DIAPH3: variants seen among roughly 807,000 people sequenced by gnomAD.
The protein encoded by DIAPH3 is diaphanous related formin 3, also known as protein diaphanous homolog 3.
In DIAPH3, 117 loss-of-function variants were observed where a neutral mutation model predicts 144.3. That is an observed-to-expected ratio of 0.81 (90% confidence interval 0.70 to 0.95). The LOEUF is 0.95. DIAPH3 is among the 40% of genes least tolerant of loss of function. DIAPH3 has a pLI of 0.00. For synonymous variants in DIAPH3, 519 were observed against 488.9 expected, an observed-to-expected ratio of 1.06 and a Z score of -0.81; for missense variants, 1,421 against 1,412.7, an observed-to-expected ratio of 1.01 and a Z score of -0.09.
chr13:59,771,209 T>C (rs1233962903), intron 27 of DIAPH3, among the ~76,000 whole-genome samples: 1 of 152,212 alleles, frequency 6.6e-6, no homozygotes, highest in Middle Eastern at 3.4e-3. Flanking sequence ...ACTATAGCTA[T>C]GATTTAAGAA....
intron 25 of DIAPH3, among the ~76,000 whole-genome samples, chr13:59,799,107 G>A (rs2039760585): frequency 6.6e-6 from 1 of 151,916 alleles, no homozygotes. Flanking sequence ...AGCCAAGGAG[G>A]GAACTAAGAG....
chr13:59,903,926 G>A (rs2046593196), intron 20 of DIAPH3, among the ~76,000 whole-genome samples: 1 of 152,158 alleles, frequency 6.6e-6, no homozygotes, highest in African/African-American at 2.4e-5. Flanking sequence ...ACTCTAGCCT[G>A]TCAAAAAGTT....
At chr13:59,952,113 A>T (rs1053606317) in intron 17 of DIAPH3, among the ~76,000 whole-genome samples, 1 of 152,156 alleles carries the variant, frequency 6.6e-6, no homozygotes, top group Non-Finnish European at 1.5e-5. Flanking sequence ...TACAATGCAT[A>T]CTCAAAAATA....
At chr13:59,706,871 T>C (rs566562718) in intron 27 of DIAPH3, among the ~76,000 whole-genome samples, 1 of 152,342 alleles carries the variant, frequency 6.6e-6, no homozygotes, top group East Asian at 1.9e-4. Context: ...ACAATCAAGA[T>C]AGCCAAATTG....
At chr13:60,048,367 T>G (rs1194898980) in intron 4 of DIAPH3, among the ~76,000 whole-genome samples, 1 of 152,192 alleles carries the variant, frequency 6.6e-6, no homozygotes, top group Non-Finnish European at 1.5e-5. Flanking sequence ...TATAACTCAA[T>G]AGTAATAAGA....
At chr13:60,109,157 A>G (rs1303412632) in intron 3 of DIAPH3, among the ~76,000 whole-genome samples, 1 of 152,092 alleles carries the variant, frequency 6.6e-6, no homozygotes, top group African/African-American at 2.4e-5. Context: ...TGGAGAGTAA[A>G]CTGGAAAAAA....
chr13:60,027,637 A>G (rs1341453802), intron 5 of DIAPH3, among the ~76,000 whole-genome samples: 1 of 152,196 alleles, frequency 6.6e-6, no homozygotes, highest in Non-Finnish European at 1.5e-5. Context: ...ATTTTAAAAC[A>G]TAGATACTGG....
At chr13:60,117,878 ACTTT>A in intron 2 of DIAPH3, among the ~76,000 whole-genome samples, 1 of 152,230 alleles carries the variant, frequency 6.6e-6, no homozygotes, top group Admixed American at 6.5e-5. Flanking sequence ...CAATTTGTGC[ACTTT>A]CTATTTCATG....
chr13:59,682,520 T>C (rs763025179), intron 27 of DIAPH3, among the ~76,000 whole-genome samples: 132 of 152,296 alleles, frequency 8.7e-4, no homozygotes, highest in Non-Finnish European at 1.5e-3. Context: ...TTTTAGCATA[T>C]AGTTTTCTCT....
At chr13:59,944,207 C>T (rs559306285) in intron 17 of DIAPH3, among the ~76,000 whole-genome samples, 1 of 149,228 alleles carries the variant, frequency 6.7e-6, no homozygotes, top group Non-Finnish European at 1.5e-5. Flanking sequence ...GAGCATGACA[C>T]TGTCTCAAAA....
chr13:59,974,691 G>A (rs1056738863), intron 14 of DIAPH3, among the ~76,000 whole-genome samples: 2 of 151,986 alleles, frequency 1.3e-5, no homozygotes, highest in Non-Finnish European at 2.9e-5. Flanking sequence ...AGACAAGTCT[G>A]TGACCTTCTC....
intron 20 of DIAPH3, among the ~76,000 whole-genome samples, chr13:59,900,725 G>A (rs1289837487): frequency 6.6e-6 from 1 of 152,104 alleles, no homozygotes; most frequent in African/African-American, 2.4e-5. Flanking sequence ...TATGTGACCT[G>A]TATGCTATTG....
chr13:59,946,653 A>G (rs2048811246), intron 17 of DIAPH3, among the ~76,000 whole-genome samples: 1 of 152,214 alleles, frequency 6.6e-6, no homozygotes. Context: ...GCTGATGAGT[A>G]CTGGCCCATG....
intron 27 of DIAPH3, among the ~76,000 whole-genome samples, chr13:59,690,972 C>A (rs2033486926): frequency 6.6e-6 from 1 of 152,096 alleles, no homozygotes; most frequent in Non-Finnish European, 1.5e-5. Flanking sequence ...AGGAACTAGA[C>A]CTCCAGGGGA....
At chr13:60,120,675 G>A in intron 2 of DIAPH3, among the ~76,000 whole-genome samples, 1 of 152,288 alleles carries the variant, frequency 6.6e-6, no homozygotes, top group Non-Finnish European at 1.5e-5. Flanking sequence ...AAAGCCAGCT[G>A]TCATGCCATG....
chr13:59,764,357 C>T (rs542571136), intron 27 of DIAPH3, among the ~76,000 whole-genome samples: 4 of 151,756 alleles, frequency 2.6e-5, no homozygotes, highest in Admixed American at 1.3e-4. Flanking sequence ...CCATTTTCAG[C>T]TCTATGGCTC....
intron 21 of DIAPH3, among the ~76,000 whole-genome samples, chr13:59,872,380 A>G (rs2140008909): frequency 6.6e-6 from 1 of 152,324 alleles, no homozygotes; most frequent in South Asian, 2.1e-4. Flanking sequence ...AAAGGACTTA[A>G]CAAAACACAC....
chr13:60,134,796 A>G (rs1489419260), intron 1 of DIAPH3, among the ~76,000 whole-genome samples: 1 of 152,260 alleles, frequency 6.6e-6, no homozygotes, highest in Non-Finnish European at 1.5e-5. Flanking sequence ...GAAATAAACT[A>G]TAAAGCTGAA....
At position 60,036,327 on chromosome 13, in the gene DIAPH3, T is replaced by C. The variant is rs574012437; in HGVS notation, c.626+6363A>G. ...CCTTAGGCAGCACTGTCTAATAGAA[T>C]TGCTTACAATGACAGAAATGGCCTA... On this transcript the variant is annotated intron_variant, in intron 5 of 27. Coordinates refer to ENST00000400324, the MANE Select transcript of DIAPH3 (RefSeq NM_001042517.2). Among the ~76,000 whole-genome samples, 12 of 152,266 alleles carry C rather than the reference T, an allele frequency of 7.9e-5. No homozygotes were observed. The South Asian group carries it at 2.3e-3, about 29-fold the overall frequency.
Sources: gnomAD v4.1 joint callset for allele counts (sites outside exome capture counted in the v4.1 genomes callset) on GRCh38, gnomAD v4.1.1 for gene constraint, MANE v1.5 for transcripts, NCBI Gene and HGNC (gene_info 2026-07-23, HGNC 2026-07-21) for gene names.